The following NTM variants were observed in gnomAD, a reference collection of about 807,000 sequenced individuals.
The protein encoded by NTM is neurotrimin, also known as IgLON family member 2.
A neutral mutation model predicts 42.1 loss-of-function variants in NTM; 13 were observed. The ratio of observed to expected loss-of-function variants is 0.31; its 90% confidence interval spans 0.20 to 0.49. The LOEUF (loss-of-function observed/expected upper bound fraction) is 0.49. NTM is among the 20% of genes least tolerant of loss of function. NTM has a pLI of 0.99. For synonymous variants in NTM, 187 were observed against 179.2 expected, an observed-to-expected ratio of 1.04 and a Z score of -0.35; for missense variants, 373 against 452.8, an observed-to-expected ratio of 0.82 and a Z score of 1.60.
intron 4 of NTM, among the ~76,000 whole-genome samples, chr11:132,243,359 TATCAAAC>T (rs1205879624): frequency 3.9e-5 from 6 of 152,168 alleles, no homozygotes; most frequent in African/African-American, 1.4e-4. Context: ...ATTCAAAAAA[TATCAAAC>T]ATATATAGGC....
At chr11:132,323,263 C>T (rs1271559201) in intron 7 of NTM, among the ~76,000 whole-genome samples, 1 of 151,324 alleles carries the variant, frequency 6.6e-6, no homozygotes, top group Non-Finnish European at 1.5e-5. Context: ...AAAGGATCAA[C>T]AAAATTGATA....
At chr11:132,239,218 G>A (rs999713885) in intron 4 of NTM, among the ~76,000 whole-genome samples, 1 of 152,148 alleles carries the variant, frequency 6.6e-6, no homozygotes, top group African/African-American at 2.4e-5. Context: ...AGAATCGAAA[G>A]GGCTTGAACT....
intron 1 of NTM, among the ~76,000 whole-genome samples, chr11:131,593,224 A>G (rs2059535858): frequency 6.6e-6 from 1 of 152,112 alleles, no homozygotes. Context: ...CCCCAGTGCC[A>G]TTAGTTCCTC....
At chr11:131,794,468 C>T (rs376091076) in intron 1 of NTM, 3 of 985,042 alleles carry the variant, frequency 3.0e-6, no homozygotes, top group East Asian at 2.3e-4. Flanking sequence ...GCCTTTCCTC[C>T]CCACCCGCCG....
chr11:131,862,568 G>A (rs1044639882), intron 1 of NTM, among the ~76,000 whole-genome samples: 1 of 152,130 alleles, frequency 6.6e-6, no homozygotes, highest in Non-Finnish European at 1.5e-5. Flanking sequence ...TTGTTTGATG[G>A]TAAGGTTATA....
intron 1 of NTM, among the ~76,000 whole-genome samples, chr11:131,711,150 C>T (rs552905048): frequency 5.3e-5 from 8 of 152,128 alleles, no homozygotes; most frequent in Non-Finnish European, 1.0e-4. Context: ...TAAACTAAAG[C>T]GCTTCTGCAC....
intron 1 of NTM, among the ~76,000 whole-genome samples, chr11:131,640,785 T>A (rs1278649057): frequency 2.0e-5 from 3 of 152,162 alleles, no homozygotes; most frequent in Admixed American, 2.0e-4. Flanking sequence ...ACCTAAACAT[T>A]AAAATTGTTT....
chr11:131,482,825 G>A (rs1033609754), intron 1 of NTM, among the ~76,000 whole-genome samples: 11 of 152,198 alleles, frequency 7.2e-5, no homozygotes, highest in Admixed American at 5.9e-4. Flanking sequence ...AGAAAAGGCA[G>A]AAACAGAGCA....
chr11:131,389,676 T>G (rs1294052556), intron 1 of NTM, among the ~76,000 whole-genome samples: 1 of 152,170 alleles, frequency 6.6e-6, no homozygotes, highest in Admixed American at 6.5e-5. Flanking sequence ...TATTGAAAAA[T>G]TAGAAACTGA....
chr11:132,068,578 T>C (rs1006228046), intron 2 of NTM, among the ~76,000 whole-genome samples: 7 of 152,238 alleles, frequency 4.6e-5, no homozygotes, highest in African/African-American at 1.7e-4. Flanking sequence ...CTACTCATTG[T>C]CCAATTCCAA....
intron 1 of NTM, among the ~76,000 whole-genome samples, chr11:131,888,827 A>G (rs2050796215): frequency 1.3e-5 from 2 of 151,996 alleles, no homozygotes; most frequent in African/African-American, 2.4e-5. Context: ...AGGGAAGGGG[A>G]GATGAGATGA....
In NTM at chr11:131,808,095, C is replaced by T. The variant is rs543766592; in HGVS notation, c.83-103469C>T. Among the ~76,000 whole-genome samples the T allele has an allele frequency of 5.9e-5, 9 of 152,302 alleles. No homozygotes were observed. In the South Asian group the frequency reaches 1.9e-3, roughly 32 times the overall value. On this transcript the variant is annotated intron_variant, in intron 1 of 8. Transcript: ENST00000683400. Reference sequence around the variant, plus strand: ...CTGTCTTGGCTGGACAGGTGACTCACTGGGTCACCAGAGCTCCATGCTTTC... The same window carrying T: ...CTGTCTTGGCTGGACAGGTGACTCATTGGGTCACCAGAGCTCCATGCTTTC...
intron 2 of NTM, among the ~76,000 whole-genome samples, chr11:132,038,555 G>T (rs1373936622): frequency 1.3e-5 from 2 of 152,108 alleles, no homozygotes; most frequent in Admixed American, 1.3e-4. Context: ...TTCCTCCTGG[G>T]GCTGTTTAGA....
chr11:131,410,535 A>C (rs1946283886), intron 1 of NTM, among the ~76,000 whole-genome samples: 1 of 149,360 alleles, frequency 6.7e-6, no homozygotes, highest in Non-Finnish European at 1.5e-5. Flanking sequence ...AAAAAAAAAA[A>C]AAAAAAAACA....
intron 1 of NTM, among the ~76,000 whole-genome samples, chr11:131,837,319 T>A (rs1479162337): frequency 6.6e-6 from 1 of 152,184 alleles, no homozygotes; most frequent in East Asian, 1.9e-4. Context: ...AAGTATTTAG[T>A]GATTCCTAAT....
intron 1 of NTM, among the ~76,000 whole-genome samples, chr11:131,843,415 C>A (rs1419548740): frequency 6.6e-6 from 1 of 152,180 alleles, no homozygotes; most frequent in African/African-American, 2.4e-5. Context: ...TATGTAACTT[C>A]ATGTTTCTGA....
intron 3 of NTM, among the ~76,000 whole-genome samples, chr11:132,158,687 TCA>T (rs1178059115): frequency 1.3e-5 from 2 of 152,266 alleles, no homozygotes; most frequent in East Asian, 1.9e-4. Context: ...TCATATTTTC[TCA>T]GTGTTTGCTC....
chr11:131,680,574 T>C (rs12285339), intron 1 of NTM, among the ~76,000 whole-genome samples: 5 of 144,554 alleles, frequency 3.5e-5, no homozygotes, highest in African/African-American at 1.3e-4. Flanking sequence ...TGTAGGCATG[T>C]GTGCCTCTGT....
In NTM at chr11:132,217,915, A is replaced by G. The variant is rs143986757; in HGVS notation, c.526+5768A>G. On this transcript the variant is annotated intron_variant, in intron 4 of 8. Transcript: ENST00000683400. ...TACATCCACCTATTTTCCTATTTGT[A>G]AGCACTGACAAGGCCTTCTCCTAGC... 4.3e-3 allele frequency among the ~76,000 whole-genome samples: 660 copies of G among 152,060 alleles called. 2 individuals carry two copies. Among genetic ancestry groups the G allele is most frequent in the African/African-American group, 0.015 (633 of 41,462 alleles).
Sources: allele counts gnomAD v4.1 joint callset (sites outside exome capture counted in the v4.1 genomes callset), GRCh38; gene constraint gnomAD v4.1.1; transcripts MANE v1.5; gene names NCBI Gene and HGNC (gene_info 2026-07-23, HGNC 2026-07-21).